Variants in GSK3A observed in about 807,000 individuals in gnomAD.
GSK3A encodes glycogen synthase kinase-3 alpha.
In GSK3A, 14 loss-of-function variants were observed where a neutral mutation model predicts 56.6. That is an observed-to-expected ratio of 0.25 (90% CI 0.16 to 0.39). The LOEUF is 0.39. Ranked by LOEUF, GSK3A falls within the 10% of genes least tolerant of loss-of-function variation. GSK3A has a pLI of 1.00. For missense variants in GSK3A, 450 were observed against 656.0 expected (o/e 0.69, Z 3.43); for synonymous variants, 301 against 285.0 (o/e 1.06, Z -0.56).
Position 42,242,494 on chromosome 19 carries a change from G to A in GSK3A, c.-29C>T. On this transcript the variant is annotated 5_prime_UTR_variant, in exon 1 of 11. Transcript: ENST00000222330. ...GCCGAGCACAGGCCCAGGCTGCGGG[G>A]CTCGGGCTGCCCGGGCTGCCCCAGC... 1 of 1,117,456 alleles carries A rather than the reference G, an allele frequency of 8.9e-7. No homozygotes were observed. Among genetic ancestry groups the A allele is most frequent in the Non-Finnish European group, 1.1e-6 (1 of 917,696 alleles). The allele number at this position is 1,117,456 out of a possible 1,614,324, so 69.2% of individuals were successfully genotyped here. A position where few individuals can be genotyped will look rare whatever the true frequency, so the allele number is the denominator to read the frequency against.
Position 42,234,770 on chromosome 19 carries a change from C to T in GSK3A, c.667-92G>A. 1.5e-6 allele frequency: 2 copies of T among 1,303,348 alleles called. No homozygotes were observed. Among genetic ancestry groups the T allele is most frequent in the Non-Finnish European group, 1.0e-6 (1 of 973,702 alleles). 80.7% of individuals were successfully genotyped at this position (1,303,348 alleles called of 1,614,324 possible). ...GCTTGGCCTGAAGAGCCCTTCCAGGCCCACTCTCCCTGCTGCCCCCACAGC... is the reference window on the plus strand; with the variant it reads ...GCTTGGCCTGAAGAGCCCTTCCAGGTCCACTCTCCCTGCTGCCCCCACAGC... On this transcript the variant is annotated intron_variant, in intron 4 of 10. Transcript: ENST00000222330. This position sits in a 1 kb window ranked among gnomAD's most constrained non-coding sequence, Gnocchi z 5.7.
At chr19:42,233,242 A>T in intron 7 of GSK3A, 37 bp from the exon 8 acceptor site, 2 of 1,583,672 alleles carry the variant, frequency 1.3e-6, no homozygotes, top group Non-Finnish European at 1.7e-6. Flanking sequence ...CAAGGGCCCC[A>T]TCCCTCAGCC....
At chr19:42,239,141 T>C (rs1300656117) in intron 2 of GSK3A, among the ~76,000 whole-genome samples, 1 of 152,154 alleles carries the variant, frequency 6.6e-6, no homozygotes, top group African/African-American at 2.4e-5. Flanking sequence ...TTTCCCAGAA[T>C]GCGGTCTCAG....
intron 1 of GSK3A, 192 bp downstream of exon 1, chr19:42,241,991 C>T: frequency 2.3e-6 from 1 of 427,786 alleles, no homozygotes; most frequent in East Asian, 3.6e-5. Context: ...TTCTGATCCA[C>T]GAGTAATTCT....
rs560563143 is a variant in GSK3A, at chr19:42,242,226, G to A, written c.240C>T (p.Pro80=). ...GCGGCGGGAAGCTAGTGCCTGCGCCGGGGCCTCCGCTGCCTCCTCCGCCGC... is the reference window on the plus strand; with the variant it reads ...GCGGCGGGAAGCTAGTGCCTGCGCCAGGGCCTCCGCTGCCTCCTCCGCCGC... ...GGSGGGGSGG[P]GAGTSFPPPG... Residue 80 remains proline, a synonymous_variant, in exon 1 of 11, where the codon CCC becomes CCT. Coordinates refer to ENST00000222330, the MANE Select transcript of GSK3A (RefSeq NM_019884.3). The A allele has an allele frequency of 2.1e-6, 3 of 1,441,824 alleles. No homozygotes were observed. The highest frequency in any genetic ancestry group is 6.0e-5 in the East Asian group (2 of 33,306). The allele number at this position is 1,441,824 out of a possible 1,614,324, so 89.3% of individuals were successfully genotyped here.
intron 4 of GSK3A, 41 bp downstream of exon 4, chr19:42,236,565 C>T (rs113701341): frequency 8.1e-7 from 1 of 1,241,260 alleles, no homozygotes; most frequent in East Asian, 2.3e-5. Context: ...GAGCCCCTGG[C>T]TTTGTGGGCC....
In GSK3A at chr19:42,230,496, GGGTCTGGAGGAGGTGGA is replaced by G. The variant is rs934046864; in HGVS notation, c.*281_*297del. On this transcript the variant is annotated 3_prime_UTR_variant, in exon 11 of 11. Coordinates refer to ENST00000222330, the MANE Select transcript of GSK3A (RefSeq NM_019884.3). The stretch of plus-strand genomic sequence containing the variant: ...TTTACAAGGGACACAGGAGGGGAGG[GGGTCTGGAGGAGGTGGA>G]GGTCTGGGGGAGGGGAGGGGGCCAA... The G allele has an allele frequency of 1.1e-5, 5 of 464,730 alleles. No homozygotes were observed. The highest frequency in any genetic ancestry group is 1.9e-5 in the Non-Finnish European group (5 of 257,044). The allele number at this position is 464,730 out of a possible 1,614,324, so 28.8% of individuals were successfully genotyped here. A position where few individuals can be genotyped will look rare whatever the true frequency, so the allele number is the denominator to read the frequency against.
At chr19:42,233,064 G>A in intron 8 of GSK3A, 46 bp downstream of exon 8, 3 of 1,261,056 alleles carry the variant, frequency 2.4e-6, no homozygotes, top group South Asian at 2.8e-5. Context: ...CTCCAAGGGG[G>A]ACCAGCTCTC....
chr19:42,231,967 T>A (rs1761611406), intron 10 of GSK3A, 90 bp downstream of exon 10: 2 of 676,672 alleles, frequency 3.0e-6, no homozygotes, highest in Non-Finnish European at 5.2e-6. Flanking sequence ...GATTTAAAAA[T>A]ACATTCAGGA....
At position 42,239,940 on chromosome 19, in the gene GSK3A, T is replaced by C; in HGVS notation, c.471+15A>G. On this transcript the variant is annotated intron_variant, in intron 2 of 10. Coordinates refer to ENST00000222330, the MANE Select transcript of GSK3A (RefSeq NM_019884.3). ...CAGTCCCCAAACCTCCCTGTCCCCA[T>C]CCCGCCCAAGCTACCTTGAACCTCT... 1 of 1,611,386 alleles carries C rather than the reference T, an allele frequency of 6.2e-7. No individual in the cohort carries two copies. The highest frequency in any genetic ancestry group is 1.1e-5 in the South Asian group (1 of 90,952).
rs900079459 is a variant in GSK3A, at chr19:42,234,201, T to C, written c.904+152A>G. 1 of 642,078 alleles carries C rather than the reference T, an allele frequency of 1.6e-6. No individual in the cohort carries two copies. Among genetic ancestry groups the C allele is most frequent in the African/African-American group, 1.8e-5 (1 of 55,202 alleles). 39.8% of individuals were successfully genotyped at this position (642,078 alleles called of 1,614,324 possible). On this transcript the variant is annotated intron_variant, in intron 6 of 10. Transcript: ENST00000222330. This position sits in a 1 kb window ranked among gnomAD's most constrained non-coding sequence, Gnocchi z 5.7. ...ACAGCTCTAAGCTCATCTGTAAAATTAGCATTCAACAGCATCAGCCTCCTA... is the reference window on the plus strand; with the variant it reads ...ACAGCTCTAAGCTCATCTGTAAAATCAGCATTCAACAGCATCAGCCTCCTA...
At position 42,236,939 on chromosome 19, in the gene GSK3A, G is replaced by A. The variant is rs148879032; in HGVS notation, c.474C>T (p.Asn158=). 6.2e-6 allele frequency: 10 copies of A among 1,606,294 alleles called. No homozygotes were observed. Among genetic ancestry groups the A allele is most frequent in the Non-Finnish European group, 8.5e-6 (10 of 1,173,102 alleles). The change falls in exon 3 of 11, where the codon AAC becomes AAT. Residue 158 remains asparagine, a splice_region_variant and synonymous_variant. Coordinates refer to ENST00000222330, the MANE Select transcript of GSK3A (RefSeq NM_019884.3). ...GCTTACGCATGATCTGCAGCTCTCG[G>A]TTCTTGAGGGCAAAGGGAGAGTCTC... ...KKVLQDKRFK[N]RELQIMRKLD...
rs2036232018 is a variant in GSK3A at position 42,232,687 on chromosome 19, G to A, written c.1099-5C>T. 6.4e-7 allele frequency: 1 copy of A among 1,568,982 alleles called. No homozygotes were observed. Among genetic ancestry groups the A allele is most frequent in the East Asian group, 2.3e-5 (1 of 43,866 alleles). On this transcript the variant is annotated splice_polypyrimidine_tract_variant and splice_region_variant and intron_variant, in intron 8 of 10. Transcript: ENST00000222330. ...CGGCGTTCGAGATTTGAACACCTGA[G>A]GGATGGGTGCAGGGCTCATGAGGGT...
At chr19:42,231,578 A>T (rs972398755) in intron 10 of GSK3A, among the ~76,000 whole-genome samples, 1 of 152,200 alleles carries the variant, frequency 6.6e-6, no homozygotes, top group Non-Finnish European at 1.5e-5. Flanking sequence ...GTTCAAGACC[A>T]GTCTGGCCAA....
At chr19:42,241,849 A>C in intron 1 of GSK3A, 1 of 229,098 alleles carries the variant, frequency 4.4e-6, no homozygotes. Context: ...CCCCATTTGC[A>C]AGCGACTGTG....
At chr19:42,235,231 C>G (rs148431039) in intron 4 of GSK3A, among the ~76,000 whole-genome samples, 1 of 152,178 alleles carries the variant, frequency 6.6e-6, no homozygotes, top group Non-Finnish European at 1.5e-5. Context: ...TGCTGGTCCC[C>G]GGACCACACT....
intron 10 of GSK3A, 121 bp downstream of exon 10, chr19:42,231,936 C>A: frequency 1.6e-6 from 1 of 608,472 alleles, no homozygotes. Flanking sequence ...GATGTGTTTC[C>A]TATGCCATCA....
At chr19:42,232,878 G>A (rs1486817628) in intron 8 of GSK3A, 196 bp from the exon 9 acceptor site, 5 of 585,340 alleles carry the variant, frequency 8.5e-6, no homozygotes, top group Non-Finnish European at 1.5e-5. Context: ...CCCAGGTCTG[G>A]GACTATATGA....
chr19:42,232,344 C>T lies in GSK3A; in HGVS notation c.1285+152G>A, dbSNP rs1177211303. 4 of 751,292 alleles carry T rather than the reference C, an allele frequency of 5.3e-6. No homozygotes were observed. The Middle Eastern group carries it at 1.1e-3, about 198-fold the overall frequency. 46.5% of individuals were successfully genotyped at this position (751,292 alleles called of 1,614,324 possible). On this transcript the variant is annotated intron_variant, in intron 9 of 10. Coordinates refer to ENST00000222330, the MANE Select transcript of GSK3A (RefSeq NM_019884.3). ...AGCACAACTGAAGCAGGTTCGATTC[C>T]CCCTGAATCTGGGAGTCATCTTTCC...
Sources: gnomAD v4.1 joint callset for allele counts (sites outside exome capture counted in the v4.1 genomes callset) on GRCh38, gnomAD v4.1.1 for gene constraint, Gnocchi (gnomAD v3.1) non-coding constraint, MANE v1.5 for transcripts, NCBI Gene and HGNC (gene_info 2026-07-23, HGNC 2026-07-21) for gene names.